HDAC9: variants seen among roughly 807,000 people sequenced by gnomAD.
HDAC9 encodes histone deacetylase 9, also known as MEF-2 interacting transcription repressor (MITR) protein.
A neutral mutation model predicts 139.4 loss-of-function variants in HDAC9; 41 were observed. The ratio of observed to expected loss-of-function variants is 0.29; its 90% CI spans 0.23 to 0.38. HDAC9 has a LOEUF of 0.38. Among genes scored for constraint, HDAC9 ranks in the 10% least tolerant of loss-of-function variants. HDAC9 has a pLI of 1.00. For synonymous variants in HDAC9, 517 were observed against 476.2 expected, an observed-to-expected ratio of 1.09 and a Z score of -1.12; for missense variants, 1,147 against 1,297.0, an observed-to-expected ratio of 0.88 and a Z score of 1.78.
rs77730717 is a variant in HDAC9 at position 18,202,933 on chromosome 7, A to G, written c.25+40584A>G. ...TGCTCATCTGCACAATGGGCATACT[A>G]ATTAAGATATCTACCTCGAAAGTTC... On this transcript the variant is annotated intron_variant, in intron 2 of 12. Transcript: ENST00000417496. 8.6e-4 allele frequency among the ~76,000 whole-genome samples: 131 copies of G among 152,340 alleles called. 1 individual carries two copies. The East Asian group carries it at 0.024, about 28-fold the overall frequency.
chr7:18,558,127 A>G (rs890898820), intron 2 of HDAC9, among the ~76,000 whole-genome samples: 11 of 152,114 alleles, frequency 7.2e-5, no homozygotes, highest in African/African-American at 2.4e-4. Context: ...CTTTTTTTCC[A>G]TTTAGAACTT....
At chr7:18,118,407 G>A (rs1784154003) in intron 1 of HDAC9, among the ~76,000 whole-genome samples, 1 of 152,088 alleles carries the variant, frequency 6.6e-6, no homozygotes, top group East Asian at 1.9e-4. Flanking sequence ...GTTTGTCTTG[G>A]CCATGTCACA....
At chr7:18,571,805 A>G (rs1004231777) in intron 2 of HDAC9, among the ~76,000 whole-genome samples, 1 of 152,052 alleles carries the variant, frequency 6.6e-6, no homozygotes, top group Admixed American at 6.6e-5. Flanking sequence ...AAGGTATATC[A>G]CACATGGCAT....
chr7:18,210,393 G>C (rs1209901028), intron 2 of HDAC9, among the ~76,000 whole-genome samples: 2 of 152,210 alleles, frequency 1.3e-5, no homozygotes, highest in Non-Finnish European at 2.9e-5. Flanking sequence ...CCAGTTAAGA[G>C]GGTTTCCTAT....
chr7:18,858,543 A>C (rs1562995748), intron 21 of HDAC9, among the ~76,000 whole-genome samples: 1 of 152,172 alleles, frequency 6.6e-6, no homozygotes, highest in Non-Finnish European at 1.5e-5. Context: ...TGGGAACTAC[A>C]ATTCAATATG....
At chr7:18,783,762 G>A (rs922543305) in intron 16 of HDAC9, among the ~76,000 whole-genome samples, 1 of 151,388 alleles carries the variant, frequency 6.6e-6, no homozygotes, top group African/African-American at 2.4e-5. Flanking sequence ...CAGGCCAGAA[G>A]CCATATTCAA....
intron 2 of HDAC9, among the ~76,000 whole-genome samples, chr7:18,557,123 T>G (rs2128690101): frequency 6.6e-6 from 1 of 152,178 alleles, no homozygotes; most frequent in South Asian, 2.1e-4. Flanking sequence ...GACAAGGTTC[T>G]GTGCTCAGAT....
intron 1 of HDAC9, among the ~76,000 whole-genome samples, chr7:18,304,921 C>A (rs1006732678): frequency 1.3e-5 from 2 of 151,216 alleles, no homozygotes; most frequent in African/African-American, 4.9e-5. Flanking sequence ...CTCTGCTGTC[C>A]CCAACTAGTG....
chr7:18,390,047 AACACAC>A (rs60514746), intron 1 of HDAC9, among the ~76,000 whole-genome samples: 8,759 of 130,442 alleles, frequency 0.067, 500 homozygotes, highest in African/African-American at 0.16. Context: ...AGAGAAAGAC[AACACAC>A]ACACACACAC....
intron 1 of HDAC9, among the ~76,000 whole-genome samples, chr7:18,117,400 C>G (rs950088744): frequency 6.6e-6 from 1 of 151,516 alleles, no homozygotes; most frequent in African/African-American, 2.4e-5. Context: ...GCAGGAGAAT[C>G]GCGTGAACCT....
chr7:18,522,811 C>T (rs770657046), intron 2 of HDAC9, among the ~76,000 whole-genome samples: 3 of 151,990 alleles, frequency 2.0e-5, no homozygotes, highest in Non-Finnish European at 2.9e-5. Flanking sequence ...TTTGTTTCTC[C>T]CAGGAATCCT....
At chr7:18,273,055 C>CTTTTTTTTT (rs1491175072) in intron 2 of HDAC9, among the ~76,000 whole-genome samples, 5 of 68,236 alleles carry the variant, frequency 7.3e-5, no homozygotes, top group African/African-American at 1.9e-4. Context: ...TCCCCTTCTT[C>CTTTTTTTTT]GTTTTTTTTT....
At chr7:18,366,666 C>T (rs1784204093) in intron 1 of HDAC9, among the ~76,000 whole-genome samples, 1 of 152,072 alleles carries the variant, frequency 6.6e-6, no homozygotes, top group Admixed American at 6.6e-5. Flanking sequence ...TGACAGATGA[C>T]ATTTTTTTGG....
intron 2 of HDAC9, among the ~76,000 whole-genome samples, chr7:18,543,959 A>G (rs1002800036): frequency 6.6e-6 from 1 of 152,106 alleles, no homozygotes; most frequent in African/African-American, 2.4e-5. Flanking sequence ...TGTGACCAGG[A>G]AGACACCAAG....
intron 22 of HDAC9, among the ~76,000 whole-genome samples, chr7:18,915,894 CTTAG>C (rs1803150782): frequency 6.6e-6 from 1 of 151,286 alleles, no homozygotes; most frequent in Admixed American, 6.6e-5. Context: ...GGACTGGGCC[CTTAG>C]AGTGCAGAGT....
chr7:18,925,775 C>G (rs1222297291), intron 22 of HDAC9, among the ~76,000 whole-genome samples: 1 of 151,776 alleles, frequency 6.6e-6, no homozygotes, highest in Non-Finnish European at 1.5e-5. Context: ...TCACCCTCAC[C>G]CCCATCTTTG....
chr7:18,791,304 AT>A (rs964743381), intron 16 of HDAC9, among the ~76,000 whole-genome samples: 2 of 152,074 alleles, frequency 1.3e-5, no homozygotes, highest in Non-Finnish European at 2.9e-5. Context: ...TATTTATTTT[AT>A]TTTTTTGCTT....
chr7:18,820,007 G>A (rs938571623), intron 17 of HDAC9, among the ~76,000 whole-genome samples: 2 of 152,072 alleles, frequency 1.3e-5, no homozygotes, highest in Non-Finnish European at 2.9e-5. Flanking sequence ...TGGCATTTGT[G>A]GGTTTTACTA....
At chr7:18,991,921 A>G (rs919387119) in intron 25 of HDAC9, among the ~76,000 whole-genome samples, 1 of 152,218 alleles carries the variant, frequency 6.6e-6, no homozygotes, top group African/African-American at 2.4e-5. Flanking sequence ...GTTCATTGCT[A>G]TGTTCCTAGT....
Sources: allele counts gnomAD v4.1 joint callset (sites outside exome capture counted in the v4.1 genomes callset), GRCh38; gene constraint gnomAD v4.1.1; transcripts MANE v1.5; gene names NCBI Gene and HGNC (gene_info 2026-07-23, HGNC 2026-07-21).